CARD19: variants seen among roughly 807,000 people sequenced by gnomAD.
The protein encoded by CARD19 is caspase recruitment domain-containing protein 19.
A neutral mutation model predicts 24.1 loss-of-function variants in CARD19; 25 were observed. That is an observed-to-expected ratio of 1.04 (90% CI 0.76 to 1.45). CARD19 has a LOEUF of 1.45. Ranked by LOEUF, CARD19 falls within the 40% of genes most tolerant of loss-of-function variation. The pLI is 0.00. For synonymous variants in CARD19, 103 were observed against 104.9 expected, an observed-to-expected ratio of 0.98 and a Z score of 0.11; for missense variants, 241 against 247.4, an observed-to-expected ratio of 0.97 and a Z score of 0.17.
chr9:93,098,947 G>C (rs1349414307), intron 1 of CARD19, among the ~76,000 whole-genome samples: 1 of 131,380 alleles, frequency 7.6e-6, no homozygotes, highest in Non-Finnish European at 1.5e-5. Context: ...TGTCACCCAA[G>C]CTGGAGTGCA....
intron 1 of CARD19, among the ~76,000 whole-genome samples, chr9:93,106,587 A>AAC (rs1214398134): frequency 1.3e-5 from 2 of 151,698 alleles, no homozygotes; most frequent in East Asian, 1.9e-4. Context: ...CAAAAAAAAA[A>AAC]AAACAAAGTT....
intron 1 of CARD19, 119 bp from the exon 2 acceptor site, chr9:93,107,555 C>T (rs1226090062): frequency 8.6e-7 from 1 of 1,169,186 alleles, no homozygotes. Context: ...GCAGGTTCAC[C>T]CTCCTGGTGG....
chr9:93,098,271 G>A (rs1022946918), intron 1 of CARD19, among the ~76,000 whole-genome samples: 17 of 152,348 alleles, frequency 1.1e-4, no homozygotes, highest in African/African-American at 3.8e-4. Flanking sequence ...CCTTTTGCAC[G>A]TAGAACAGCA....
chr9:93,098,431 C>T (rs901844679), intron 1 of CARD19, among the ~76,000 whole-genome samples: 2 of 152,096 alleles, frequency 1.3e-5, no homozygotes, highest in Admixed American at 1.3e-4. Context: ...TCAGTCTGGG[C>T]TGATAAGAAG....
chr9:93,100,784 C>T (rs2119065714), intron 1 of CARD19, among the ~76,000 whole-genome samples: 1 of 152,276 alleles, frequency 6.6e-6, no homozygotes, highest in South Asian at 2.1e-4. Context: ...GAATTTGACC[C>T]CTCTAAGTAC....
At chr9:93,099,493 C>G (rs1827000231) in intron 1 of CARD19, among the ~76,000 whole-genome samples, 1 of 152,160 alleles carries the variant, frequency 6.6e-6, no homozygotes, top group South Asian at 2.1e-4. Context: ...CCTTAGTTTC[C>G]CTACCTGAAA....
intron 1 of CARD19, among the ~76,000 whole-genome samples, chr9:93,106,981 T>C (rs1447522246): frequency 1.3e-5 from 2 of 151,776 alleles, no homozygotes; most frequent in Non-Finnish European, 2.9e-5. Context: ...TAAAATGATA[T>C]TTTAATGGTG....
Position 93,113,274 on chromosome 9 carries a change from G to A in CARD19, c.*167G>A, listed in dbSNP as rs2298242. On this transcript the variant is annotated 3_prime_UTR_variant, in exon 6 of 6. Transcript: ENST00000375464. Reference sequence around the variant, plus strand: ...AGGTGCTGACCATATTAAATGTTCAGGTTCTCTCAGCCTGCCTCGTTCCTC... The same window carrying A: ...AGGTGCTGACCATATTAAATGTTCAAGTTCTCTCAGCCTGCCTCGTTCCTC... 359,069 of 504,356 alleles carry A rather than the reference G, an allele frequency of 0.71. 132,045 individuals are homozygous for A. Among genetic ancestry groups the A allele is most frequent in the Admixed American group, 0.78 (20,899 of 26,824 alleles). 31.2% of individuals were successfully genotyped at this position (504,356 alleles called of 1,614,324 possible). A position where few individuals can be genotyped will look rare whatever the true frequency, so the allele number is the denominator to read the frequency against.
intron 2 of CARD19, among the ~76,000 whole-genome samples, chr9:93,109,471 C>CTTTTTT (rs5899172): frequency 1.3e-5 from 2 of 148,558 alleles, no homozygotes; most frequent in Non-Finnish European, 1.5e-5. Context: ...ATACTTCTGT[C>CTTTTTT]TTTTTTTTTT....
chr9:93,098,786 C>T (rs528512884), intron 1 of CARD19, among the ~76,000 whole-genome samples: 136 of 152,042 alleles, frequency 8.9e-4, no homozygotes, highest in Non-Finnish European at 1.6e-3. Context: ...TCTGCAGCAG[C>T]GGAGGCTCTG....
chr9:93,109,452 A>G (rs1476452912), intron 2 of CARD19, among the ~76,000 whole-genome samples: 1 of 149,056 alleles, frequency 6.7e-6, no homozygotes, highest in Non-Finnish European at 1.5e-5. Context: ...ATACACATCA[A>G]AAGAGCCAAT....
At chr9:93,097,585 C>G (rs1303834770) in intron 1 of CARD19, among the ~76,000 whole-genome samples, 2 of 152,168 alleles carry the variant, frequency 1.3e-5, no homozygotes, top group Non-Finnish European at 2.9e-5. Context: ...TTCCGTAATT[C>G]CCTTAGTGAG....
Position 93,102,385 on chromosome 9 carries a change from A to C in CARD19, c.8-5289A>C, listed in dbSNP as rs186122557. On this transcript the variant is annotated intron_variant, in intron 1 of 5. Transcript: ENST00000375464. ...GGGTTCTCTGTGTCTTTTGCTGTTC[A>C]GTTGTAGGAGTTCTTTATGGAGTAA... is the stretch of plus-strand genomic sequence containing the variant. Among the ~76,000 whole-genome samples the C allele has an allele frequency of 1.6e-3, 240 of 152,252 alleles. 1 individual carries two copies. The highest frequency in any genetic ancestry group is 5.6e-3 in the African/African-American group (232 of 41,536).
At chr9:93,110,479 G>T in intron 2 of CARD19, 89 bp from the exon 3 acceptor site, 1 of 1,508,584 alleles carries the variant, frequency 6.6e-7, no homozygotes. Flanking sequence ...CAGGGAAGCT[G>T]AGGCTGGGGG....
chr9:93,112,118 C>G (rs749220051), intron 4 of CARD19, 100 bp from the exon 5 acceptor site: 566 of 1,375,694 alleles, frequency 4.1e-4, no homozygotes, highest in Non-Finnish European at 5.3e-4. Flanking sequence ...TCAGGCAGCA[C>G]CTCAGCCTGG....
chr9:93,108,942 C>G (rs1472398291), intron 2 of CARD19: 8 of 152,262 alleles, frequency 5.3e-5, no homozygotes, highest in Non-Finnish European at 8.8e-5. Context: ...CCGACCCTAC[C>G]CACATCTGTG....
intron 1 of CARD19, 110 bp from the exon 2 acceptor site, chr9:93,107,564 G>A: frequency 7.7e-7 from 1 of 1,302,488 alleles, no homozygotes; most frequent in Non-Finnish European, 1.1e-6. Context: ...CCCTCCTGGT[G>A]GGAACCCACC....
chr9:93,100,461 C>T (rs1480872945), intron 1 of CARD19, among the ~76,000 whole-genome samples: 1 of 152,260 alleles, frequency 6.6e-6, no homozygotes, highest in Non-Finnish European at 1.5e-5. Flanking sequence ...AGGCGTGAGC[C>T]ACCGCGCCCA....
chr9:93,107,376 G>A (rs1455222775), intron 1 of CARD19, among the ~76,000 whole-genome samples: 1 of 152,266 alleles, frequency 6.6e-6, no homozygotes, highest in African/African-American at 2.4e-5. Flanking sequence ...GGTGGCCCAT[G>A]AAAAGTAGAT....
Sources: allele counts gnomAD v4.1 joint callset (sites outside exome capture counted in the v4.1 genomes callset), GRCh38; gene constraint gnomAD v4.1.1; transcripts MANE v1.5; gene names NCBI Gene and HGNC (gene_info 2026-07-23, HGNC 2026-07-21).